The following ARHGAP6 variants were observed in gnomAD, a reference collection of about 807,000 sequenced individuals.
The protein encoded by ARHGAP6 is rho GTPase-activating protein 6.
ARHGAP6 carries 16 observed loss-of-function variants against 55.7 expected under a neutral mutation model. The observed-to-expected ratio is 0.29, with a 90% CI of 0.19 to 0.44. The LOEUF (loss-of-function observed/expected upper bound fraction) is 0.44. Ranked by LOEUF, ARHGAP6 falls within the 20% of genes least tolerant of loss-of-function variation. ARHGAP6 has a pLI of 1.00. For missense variants in ARHGAP6, 698 were observed against 808.9 expected, an observed-to-expected ratio of 0.86 and a Z score of 1.66; for synonymous variants, 382 against 360.9, an observed-to-expected ratio of 1.06 and a Z score of -0.66.
At chrX:11,388,310 A>G (rs1321640263) in intron 1 of ARHGAP6, among the ~76,000 whole-genome samples, 1 of 111,943 alleles carries the variant, frequency 8.9e-6, no homozygotes. Context: ...GCCAGTGATG[A>G]TGAGCATTTT....
At chrX:11,544,731 G>C (rs1175100536) in intron 1 of ARHGAP6, among the ~76,000 whole-genome samples, 1 of 111,797 alleles carries the variant, frequency 8.9e-6, no homozygotes, top group Non-Finnish European at 1.9e-5. Context: ...TTTCTTTCTT[G>C]CGAATAAATT....
chrX:11,475,892 T>C lies in ARHGAP6; in HGVS notation c.588+188349A>G, dbSNP rs774821548. ...TTAAAATTCCTACAAATAATGCAAA[T>C]AAACAAAACAATAGGAATGGGAAAA... On this transcript the variant is annotated intron_variant, in intron 1 of 12. Coordinates refer to ENST00000337414, the MANE Select transcript of ARHGAP6 (RefSeq NM_013427.3). 5.6e-5 allele frequency among the ~76,000 whole-genome samples: 6 copies of C among 106,839 alleles called. No individual in the cohort carries two copies. In the East Asian group the frequency reaches 1.8e-3, roughly 31 times the overall value. The allele number at this position is 106,839 out of a possible 115,157, so 92.8% of individuals were successfully genotyped here.
At chrX:11,467,236 C>T (rs746799225) in intron 1 of ARHGAP6, among the ~76,000 whole-genome samples, 8 of 110,809 alleles carry the variant, frequency 7.2e-5, no homozygotes, top group East Asian at 2.8e-4. Context: ...CCCAGGAGTT[C>T]GAGACCAGCC....
At position 11,173,658 on chromosome X, in the gene ARHGAP6, A is replaced by C. The variant is rs1003155203; in HGVS notation, c.1630-3974T>G. The stretch of plus-strand genomic sequence containing the variant: ...GCAAAACACCACAATTCAATAAAAT[A>C]CTGCTATTTTTTCCCAAAAAAGCAC... On this transcript the variant is annotated intron_variant, in intron 8 of 12. Transcript: ENST00000337414. Among the ~76,000 whole-genome samples the C allele has an allele frequency of 7.1e-5, 8 of 112,711 alleles. No individual in the cohort carries two copies. The East Asian group carries it at 2.2e-3, about 31-fold the overall frequency.
chrX:11,198,772 A>G (rs1278106096), intron 2 of ARHGAP6, among the ~76,000 whole-genome samples: 1 of 112,347 alleles, frequency 8.9e-6, no homozygotes, highest in Non-Finnish European at 1.9e-5. Context: ...GTGTATAAAT[A>G]CAAATGTTCT....
chrX:11,280,614 T>C (rs1287439288), intron 1 of ARHGAP6, among the ~76,000 whole-genome samples: 1 of 109,409 alleles, frequency 9.1e-6, no homozygotes, highest in Non-Finnish European at 1.9e-5. Context: ...GCATGGTGGC[T>C]CACATCTGGA....
intron 1 of ARHGAP6, among the ~76,000 whole-genome samples, chrX:11,544,930 G>A (rs1371791112): frequency 8.9e-6 from 1 of 112,548 alleles, no homozygotes; most frequent in Non-Finnish European, 1.9e-5. Context: ...AACCTTTGAA[G>A]AAATGATCTC....
chrX:11,506,702 G>A (rs775248916), intron 1 of ARHGAP6, among the ~76,000 whole-genome samples: 121 of 111,578 alleles, frequency 1.1e-3, no homozygotes, highest in African/African-American at 3.2e-3. Flanking sequence ...ATAAACATAC[G>A]TGTGCATGTG....
intron 1 of ARHGAP6, among the ~76,000 whole-genome samples, chrX:11,466,055 G>T (rs773037430): frequency 2.4e-4 from 27 of 110,657 alleles, no homozygotes; most frequent in Non-Finnish European, 4.2e-4. Context: ...TTCCTACACA[G>T]AGACTTTCCT....
chrX:11,504,060 G>A (rs1402195508), intron 1 of ARHGAP6, among the ~76,000 whole-genome samples: 1 of 111,246 alleles, frequency 9.0e-6, no homozygotes, highest in African/African-American at 3.3e-5. Flanking sequence ...TTTTTTTGGG[G>A]GGGGGCTACC....
At chrX:11,286,867 A>G (rs760280773) in intron 1 of ARHGAP6, among the ~76,000 whole-genome samples, 1 of 112,101 alleles carries the variant, frequency 8.9e-6, no homozygotes, top group Non-Finnish European at 1.9e-5. Flanking sequence ...AAGCAAATCC[A>G]TAGACACAGG....
chrX:11,290,710 C>T (rs996951945), intron 1 of ARHGAP6, among the ~76,000 whole-genome samples: 2 of 111,187 alleles, frequency 1.8e-5, no homozygotes, highest in African/African-American at 6.6e-5. Flanking sequence ...CTCATAATAC[C>T]TGACTTATCC....
chrX:11,651,811 AC>A (rs2052587590), intron 1 of ARHGAP6, among the ~76,000 whole-genome samples: 1 of 111,134 alleles, frequency 9.0e-6, no homozygotes, highest in Non-Finnish European at 1.9e-5. Context: ...TTATTTTTTT[AC>A]TTTTTAATAG....
At chrX:11,163,669 C>A (rs2045979330) in intron 9 of ARHGAP6, among the ~76,000 whole-genome samples, 1 of 112,532 alleles carries the variant, frequency 8.9e-6, no homozygotes, top group African/African-American at 3.2e-5. Flanking sequence ...AGCTTAGAAC[C>A]TTTGGCGTGG....
At chrX:11,402,911 G>A (rs1186769265) in intron 1 of ARHGAP6, among the ~76,000 whole-genome samples, 2 of 111,359 alleles carry the variant, frequency 1.8e-5, no homozygotes, top group African/African-American at 6.5e-5. Flanking sequence ...AATTTGGGAG[G>A]GTGATCACCA....
At chrX:11,224,025 T>G (rs1382990950) in intron 2 of ARHGAP6, among the ~76,000 whole-genome samples, 1 of 112,186 alleles carries the variant, frequency 8.9e-6, no homozygotes, top group African/African-American at 3.2e-5. Flanking sequence ...TACTTTATAG[T>G]ATAAATTATG....
At chrX:11,204,274 C>A (rs2046673465) in intron 2 of ARHGAP6, among the ~76,000 whole-genome samples, 1 of 111,878 alleles carries the variant, frequency 8.9e-6, no homozygotes, top group South Asian at 3.7e-4. Context: ...CGCAGCAATT[C>A]ACTTTATAAA....
intron 1 of ARHGAP6, among the ~76,000 whole-genome samples, chrX:11,648,940 T>C (rs1442506757): frequency 8.9e-6 from 1 of 112,242 alleles, no homozygotes; most frequent in Non-Finnish European, 1.9e-5. Context: ...TCATCATATG[T>C]AAGAAGCATG....
intron 1 of ARHGAP6, among the ~76,000 whole-genome samples, chrX:11,382,360 G>A (rs759766435): frequency 4.6e-4 from 51 of 111,348 alleles, no homozygotes; most frequent in African/African-American, 1.6e-3. Context: ...AAGGTTATTG[G>A]TAATTGTTAT....
Sources: gnomAD v4.1 joint callset for allele counts (sites outside exome capture counted in the v4.1 genomes callset) on GRCh38, gnomAD v4.1.1 for gene constraint, MANE v1.5 for transcripts, NCBI Gene and HGNC (gene_info 2026-07-23, HGNC 2026-07-21) for gene names.